MCM9: variants seen among roughly 807,000 people sequenced by gnomAD.
The protein encoded by MCM9 is minichromosome maintenance 9 homologous recombination repair factor.
Under a neutral mutation model 72.8 loss-of-function variants are expected in MCM9, and 55 were observed. The ratio of observed to expected loss-of-function variants is 0.76; its 90% CI spans 0.61 to 0.95. The LOEUF (loss-of-function observed/expected upper bound fraction) is 0.95, where lower values mean the gene tolerates loss of function less well. Among genes scored for constraint, MCM9 ranks in the 40% least tolerant of loss-of-function variants. The pLI is 0.00. For synonymous variants in MCM9, 480 were observed against 503.4 expected, an observed-to-expected ratio of 0.95 and a Z score of 0.62; for missense variants, 1,279 against 1,377.0, an observed-to-expected ratio of 0.93 and a Z score of 1.13.
chr6:118,910,943 G>A (rs1183892393), intron 8 of MCM9: 1 of 985,174 alleles, frequency 1.0e-6, no homozygotes, highest in African/African-American at 1.7e-5. Flanking sequence ...TTAACAAGTA[G>A]CAAACATTTT....
chr6:118,904,543 G>A (rs919674949), intron 8 of MCM9, among the ~76,000 whole-genome samples: 9 of 152,150 alleles, frequency 5.9e-5, no homozygotes, highest in Non-Finnish European at 1.3e-4. Flanking sequence ...CCATCCGGTC[G>A]TCTCATTACT....
At chr6:118,915,388 G>T (rs1234616461) in intron 6 of MCM9, among the ~76,000 whole-genome samples, 5 of 152,174 alleles carry the variant, frequency 3.3e-5, no homozygotes, top group African/African-American at 1.2e-4. Context: ...TAGGCCCTTA[G>T]TAATCTCAGA....
At chr6:118,895,080 C>T (rs528101351) in intron 8 of MCM9, among the ~76,000 whole-genome samples, 1 of 152,214 alleles carries the variant, frequency 6.6e-6, no homozygotes, top group East Asian at 1.9e-4. Flanking sequence ...AGTCGCCGCA[C>T]TCTCCGGGCT....
At chr6:118,930,324 G>A (rs888778477) in intron 3 of MCM9, among the ~76,000 whole-genome samples, 5 of 152,236 alleles carry the variant, frequency 3.3e-5, no homozygotes, top group East Asian at 1.9e-4. Context: ...GTGTTAGCCA[G>A]GATGGTCTCG....
At position 118,829,149 on chromosome 6, in the gene MCM9, C is replaced by T. The variant is rs1263725550; in HGVS notation, c.1427G>A (p.Gly476Asp). The part of the protein sequence containing the change: ...QESVSVNIAL[G>D]SPLLSRFDLI... ...GTCAAATCGACTTAAGAGTGGGCTG[C>T]CGAGGGCAATGTTCACAGACACGGA... is the stretch of plus-strand genomic sequence containing the variant. Residue 476 changes from glycine to aspartate, a missense_variant, in exon 10 of 14, where the codon GGC (glycine) becomes GAC (aspartate). Coordinates refer to ENST00000619706, the MANE Select transcript of MCM9 (RefSeq NM_017696.3). The T allele has an allele frequency of 2.6e-6, 4 of 1,550,550 alleles. No homozygotes were observed. The highest frequency in any genetic ancestry group is 3.5e-6 in the Non-Finnish European group (4 of 1,146,984).
At position 118,917,568 on chromosome 6, in the gene MCM9, G is replaced by A. The variant is rs1459921484; in HGVS notation, c.897C>T (p.Pro299=). Residue 299 remains proline (P), a synonymous_variant, in exon 6 of 14, where the codon CCC becomes CCT. Coordinates refer to ENST00000619706, the MANE Select transcript of MCM9 (RefSeq NM_017696.3). Reference sequence around the variant, plus strand: ...TAGCCCTTAAACACAAACCTGCAAAGGGATCGCTCTTATAGTATTCCCAAA... The same window carrying A: ...TAGCCCTTAAACACAAACCTGCAAAAGGATCGCTCTTATAGTATTCCCAAA... The part of the protein sequence containing the change: ...EDFWEYYKSD[P]FAGRNVILAS... 1.2e-6 allele frequency: 2 copies of A among 1,614,042 alleles called. No homozygotes were observed. Among genetic ancestry groups the A allele is most frequent in the Non-Finnish European group, 1.7e-6 (2 of 1,179,970 alleles).
At chr6:118,849,063 T>C (rs1776065361) in intron 9 of MCM9, among the ~76,000 whole-genome samples, 1 of 151,918 alleles carries the variant, frequency 6.6e-6, no homozygotes, top group Non-Finnish European at 1.5e-5. Flanking sequence ...GATTTTTCGA[T>C]TGTTCATAAA....
chr6:118,861,181 C>G (rs539311773), intron 8 of MCM9, among the ~76,000 whole-genome samples: 1 of 152,158 alleles, frequency 6.6e-6, no homozygotes, highest in African/African-American at 2.4e-5. Flanking sequence ...CTGGACCAGA[C>G]GTACCATAAG....
intron 8 of MCM9, among the ~76,000 whole-genome samples, chr6:118,909,421 T>G (rs369859229): frequency 9.8e-5 from 15 of 152,348 alleles, no homozygotes; most frequent in Admixed American, 5.9e-4. Context: ...TCTAAGAATT[T>G]TTTTAATGAC....
intron 9 of MCM9, among the ~76,000 whole-genome samples, chr6:118,848,594 A>C (rs1446121844): frequency 6.6e-6 from 1 of 151,834 alleles, no homozygotes; most frequent in Non-Finnish European, 1.5e-5. Flanking sequence ...TTGCTATCCT[A>C]ATCTCCACAG....
At chr6:118,887,703 G>A (rs886457155) in intron 8 of MCM9, among the ~76,000 whole-genome samples, 1 of 151,758 alleles carries the variant, frequency 6.6e-6, no homozygotes, top group Non-Finnish European at 1.5e-5. Flanking sequence ...CAAACAACTA[G>A]AGAAACTTCT....
chr6:118,894,249 G>A lies in MCM9; in HGVS notation c.1150+17401C>T. ...TAGGAAAGCTGCAAAACACTGTGGA[G>A]TGCTCCCGTGTAAATAAAAAGAGGA... On this transcript the variant is annotated intron_variant, in intron 8 of 13. Coordinates refer to ENST00000619706, the MANE Select transcript of MCM9 (RefSeq NM_017696.3). The A allele has an allele frequency of 4.8e-6, 7 of 1,449,618 alleles. No individual in the cohort carries two copies. In the South Asian group the frequency reaches 8.7e-5, roughly 18 times the overall value. 89.8% of individuals were successfully genotyped at this position (1,449,618 alleles called of 1,614,324 possible).
At chr6:118,852,262 G>A (rs1027960088) in intron 9 of MCM9, among the ~76,000 whole-genome samples, 6 of 152,148 alleles carry the variant, frequency 3.9e-5, no homozygotes, top group East Asian at 1.9e-4. Context: ...GTTATGTGGC[G>A]TATAACTATA....
At chr6:118,897,167 C>T (rs1779480214) in intron 8 of MCM9, among the ~76,000 whole-genome samples, 1 of 152,074 alleles carries the variant, frequency 6.6e-6, no homozygotes, top group Non-Finnish European at 1.5e-5. Context: ...AAAGAATTTT[C>T]TTAATAAGTT....
At chr6:118,904,523 C>T (rs1780037622) in intron 8 of MCM9, among the ~76,000 whole-genome samples, 1 of 152,236 alleles carries the variant, frequency 6.6e-6, no homozygotes, top group South Asian at 2.1e-4. Flanking sequence ...GTTCCCCAGT[C>T]TGGCTCCTTC....
intron 9 of MCM9, among the ~76,000 whole-genome samples, chr6:118,833,740 T>C (rs1180413425): frequency 1.3e-5 from 2 of 152,062 alleles, no homozygotes; most frequent in Non-Finnish European, 2.9e-5. Context: ...GTCAAATCCA[T>C]AGAAACGGAA....
In MCM9 at chr6:118,816,022, A is replaced by G; in HGVS notation, c.2234T>C (p.Phe745Ser). The change falls in exon 14 of 14, where the codon TTT becomes TCT. Residue 745 changes from phenylalanine to serine, a missense_variant. Coordinates refer to ENST00000619706, the MANE Select transcript of MCM9 (RefSeq NM_017696.3). The part of the protein sequence containing the change: ...KNNRDDSLDW[F>S]DFMATHQSEP... ...ACTCTGATGAGTTGCCATGAAATCAAACCAATCTAAACTGTCATCTCTGTT... is the reference window on the plus strand; with the variant it reads ...ACTCTGATGAGTTGCCATGAAATCAGACCAATCTAAACTGTCATCTCTGTT... 1 of 1,550,554 alleles carries G rather than the reference A, an allele frequency of 6.4e-7. No individual in the cohort carries two copies. Among genetic ancestry groups the G allele is most frequent in the Non-Finnish European group, 8.7e-7 (1 of 1,146,954 alleles).
intron 8 of MCM9, chr6:118,911,023 ACAAAATAG>A (rs1780508244): frequency 1.0e-6 from 1 of 984,844 alleles, no homozygotes; most frequent in Middle Eastern, 5.2e-4. Context: ...CTGTAAAAAT[ACAAAATAG>A]CATCAAACAT....
At chr6:118,932,914 T>C (rs1782553590) in intron 1 of MCM9, among the ~76,000 whole-genome samples, 174 bp from the exon 2 acceptor site, 1 of 152,194 alleles carries the variant, frequency 6.6e-6, no homozygotes, top group Non-Finnish European at 1.5e-5. Context: ...CCTATCCCCA[T>C]TCTAGTTTCA....
Sources: allele counts gnomAD v4.1 joint callset (sites outside exome capture counted in the v4.1 genomes callset), GRCh38; gene constraint gnomAD v4.1.1; transcripts MANE v1.5; gene names NCBI Gene and HGNC (gene_info 2026-07-23, HGNC 2026-07-21).